RBFOX3: variants seen among roughly 807,000 people sequenced by gnomAD.
RBFOX3 encodes RNA binding fox-1 homolog 3.
Under a neutral mutation model 48.7 loss-of-function variants are expected in RBFOX3, and 17 were observed. That is an observed-to-expected ratio of 0.35 (90% CI 0.24 to 0.52). RBFOX3 has a LOEUF of 0.52. RBFOX3 is among the 20% of genes least tolerant of loss of function. The probability of loss-of-function intolerance (pLI) is 0.94; values close to 1 mark genes in which losing one functional copy is unlikely to be tolerated. For missense variants in RBFOX3, 382 were observed against 497.5 expected (o/e 0.77, Z 2.21); for synonymous variants, 212 against 209.5 (o/e 1.01, Z -0.10).
Position 79,214,275 on chromosome 17 carries a change from C to T in RBFOX3, c.-34+21491G>A, listed in dbSNP as rs2058729508. Among the ~76,000 whole-genome samples the T allele has an allele frequency of 6.6e-6, 1 of 152,064 alleles. No homozygotes were observed. Among genetic ancestry groups the T allele is most frequent in the Non-Finnish European group, 1.5e-5 (1 of 68,016 alleles). On this transcript the variant is annotated intron_variant, in intron 4 of 14. Coordinates refer to ENST00000693108, the MANE Select transcript of RBFOX3 (RefSeq NM_001350451.2). This position sits in a 1 kb window ranked among gnomAD's most constrained non-coding sequence, Gnocchi z 4.7. ...CGTGAAAGTGGCTGTGTGTTGGTTG[C>T]CGGCATGAAAAAACACTTTGCTTAA...
rs112187886 is a variant in RBFOX3 at position 79,199,479 on chromosome 17, AGAG to A, written c.-34+36284_-34+36286del. 0.034 allele frequency among the ~76,000 whole-genome samples: 5,212 copies of A among 152,224 alleles called. 161 individuals carry two copies. Among genetic ancestry groups the A allele is most frequent in the East Asian group, 0.13 (662 of 5,174 alleles). On this transcript the variant is annotated intron_variant, in intron 4 of 14. Coordinates refer to ENST00000693108, the MANE Select transcript of RBFOX3 (RefSeq NM_001350451.2). This position sits in a 1 kb window ranked among gnomAD's most constrained non-coding sequence, Gnocchi z 5.1. ...AATCAGCCCAGGTGGGACTTGAGGA[AGAG>A]GAGAAGGCCAGCCATCTGGATGGCC...
intron 1 of RBFOX3, among the ~76,000 whole-genome samples, chr17:79,542,090 G>A (rs1302952591): frequency 6.7e-6 from 1 of 150,280 alleles, no homozygotes; most frequent in Non-Finnish European, 1.5e-5. Context: ...AGACCTCTAT[G>A]TGAGAGGCGT....
intron 1 of RBFOX3, among the ~76,000 whole-genome samples, chr17:79,587,552 C>T (rs980079145): frequency 6.6e-6 from 1 of 152,332 alleles, no homozygotes; most frequent in African/African-American, 2.4e-5. Context: ...GGAACACCGG[C>T]ATCGTCTACA....
chr17:79,325,290 C>T (rs568910586), intron 2 of RBFOX3, among the ~76,000 whole-genome samples: 133 of 152,306 alleles, frequency 8.7e-4, no homozygotes, highest in African/African-American at 2.6e-3. Context: ...CTGTGGGGTG[C>T]GGCCTTCCCT....
At chr17:79,190,149 C>T (rs921173459) in intron 4 of RBFOX3, among the ~76,000 whole-genome samples, 41 of 152,328 alleles carry the variant, frequency 2.7e-4, no homozygotes, top group African/African-American at 8.9e-4. Flanking sequence ...CAGTGGCTCA[C>T]GCCTGTAATC....
At chr17:79,322,909 C>T (rs529087670) in intron 2 of RBFOX3, among the ~76,000 whole-genome samples, 3 of 152,350 alleles carry the variant, frequency 2.0e-5, no homozygotes, top group Non-Finnish European at 2.9e-5. Context: ...AATTGCAAAG[C>T]ACCCAGACAA....
At chr17:79,314,428 T>C (rs1196707763) in intron 2 of RBFOX3, among the ~76,000 whole-genome samples, 1 of 151,978 alleles carries the variant, frequency 6.6e-6, no homozygotes. Context: ...ACGGAGCTGG[T>C]GGGATAGGCA....
At chr17:79,625,931 A>G in the RBFOX3 span, among the ~76,000 whole-genome samples, 22 of 152,182 alleles carry the variant, frequency 1.4e-4, no homozygotes, top group African/African-American at 4.1e-4. Flanking sequence ...AGAAGCCCCA[A>G]CTTTGAGAGC....
intron 4 of RBFOX3, among the ~76,000 whole-genome samples, chr17:79,121,460 C>T (rs1344722565): frequency 2.0e-5 from 3 of 152,200 alleles, no homozygotes; most frequent in Non-Finnish European, 4.4e-5. Flanking sequence ...GGCCCCAATT[C>T]CCTCACTCCC....
At chr17:79,151,328 C>T (rs2044376277) in intron 4 of RBFOX3, among the ~76,000 whole-genome samples, 1 of 148,392 alleles carries the variant, frequency 6.7e-6, no homozygotes, top group Non-Finnish European at 1.5e-5. Flanking sequence ...ACGCGTGGTC[C>T]CGACGGCTCT....
intron 4 of RBFOX3, among the ~76,000 whole-genome samples, chr17:79,155,358 G>A (rs2145044938): frequency 6.6e-6 from 1 of 152,306 alleles, no homozygotes; most frequent in South Asian, 2.1e-4. Context: ...ACTCAACAGT[G>A]GAGCTGGGCA....
intron 2 of RBFOX3, among the ~76,000 whole-genome samples, chr17:79,439,087 T>C (rs1438997690): frequency 6.6e-6 from 1 of 152,244 alleles, no homozygotes; most frequent in Non-Finnish European, 1.5e-5. Context: ...TCTGCCCTGA[T>C]TAACTGTCCC....
At chr17:79,322,569 T>C (rs990054939) in intron 2 of RBFOX3, among the ~76,000 whole-genome samples, 3 of 152,124 alleles carry the variant, frequency 2.0e-5, no homozygotes, top group African/African-American at 7.2e-5. Flanking sequence ...GGAACATGTG[T>C]CACGCAGCAT....
intron 1 of RBFOX3, among the ~76,000 whole-genome samples, chr17:79,491,754 C>T (rs1158241694): frequency 2.0e-5 from 3 of 152,130 alleles, no homozygotes; most frequent in African/African-American, 7.2e-5. Context: ...CCACAGTCTA[C>T]TCTGCTATTC....
chr17:79,560,603 T>C (rs1220439665), intron 1 of RBFOX3, among the ~76,000 whole-genome samples: 2 of 152,116 alleles, frequency 1.3e-5, no homozygotes, highest in Non-Finnish European at 2.9e-5. Context: ...TGGGGTTCAG[T>C]GACTTATGTT....
At chr17:79,261,936 G>T (rs759258192) in intron 3 of RBFOX3, among the ~76,000 whole-genome samples, 2 of 152,202 alleles carry the variant, frequency 1.3e-5, no homozygotes, top group Non-Finnish European at 2.9e-5. Flanking sequence ...GGCTTGTGGA[G>T]GGGGGAGGCG....
chr17:79,271,819 G>C (rs2067763925), intron 3 of RBFOX3, among the ~76,000 whole-genome samples: 1 of 152,240 alleles, frequency 6.6e-6, no homozygotes, highest in African/African-American at 2.4e-5. Context: ...CCTACTCCCA[G>C]GACACCATGA....
In RBFOX3 at chr17:79,301,337, C is replaced by T. The variant is rs984404829; in HGVS notation, c.-74+6387G>A. Among the ~76,000 whole-genome samples, 10 of 152,320 alleles carry T rather than the reference C, an allele frequency of 6.6e-5. 1 individual carries two copies. The highest frequency in any genetic ancestry group is 3.9e-4 in the East Asian group (2 of 5,176). ...GGACTTGGAACCCCACTGGGGTGAG[C>T]GGCTAATAGAACACAAAGTCTCCCA... On this transcript the variant is annotated intron_variant, in intron 3 of 14. Transcript: ENST00000693108.
chr17:79,259,040 C>G (rs2065316995), intron 3 of RBFOX3, among the ~76,000 whole-genome samples: 1 of 152,272 alleles, frequency 6.6e-6, no homozygotes, highest in South Asian at 2.1e-4. Context: ...AATCCCAGCT[C>G]TAAGTCATTG....
Sources: allele counts gnomAD v4.1 joint callset (sites outside exome capture counted in the v4.1 genomes callset), GRCh38; gene constraint gnomAD v4.1.1; non-coding constraint Gnocchi (gnomAD v3.1); transcripts MANE v1.5; gene names NCBI Gene and HGNC (gene_info 2026-07-23, HGNC 2026-07-21).